LYPLA1: variants seen among roughly 807,000 people sequenced by gnomAD.
LYPLA1 encodes acyl-protein thioesterase 1.
Under a neutral mutation model 34.0 loss-of-function variants are expected in LYPLA1, and 17 were observed. The observed-to-expected ratio is 0.50, with a 90% CI of 0.34 to 0.75. LYPLA1 has a LOEUF of 0.75. Ranked by LOEUF, LYPLA1 falls within the 30% of genes least tolerant of loss-of-function variation. The probability of loss-of-function intolerance (pLI) is 0.01; values close to 1 mark genes in which losing one functional copy is unlikely to be tolerated. For missense variants in LYPLA1, 203 were observed against 288.8 expected (o/e 0.70, Z 2.15); for synonymous variants, 98 against 100.8 (o/e 0.97, Z 0.17).
rs142193978 is a variant in LYPLA1 at position 54,088,049 on chromosome 8, G to A, written c.101+12859C>T. Among the ~76,000 whole-genome samples the A allele has an allele frequency of 2.1e-3, 318 of 152,296 alleles. 1 individual carries two copies. The highest frequency in any genetic ancestry group is 7.2e-3 in the African/African-American group (301 of 41,568). ...AAGGTAGAGGAGAACAAAGGAAGGA[G>A]GAAGTTAACTTGTGGAATGCTGAGA... On this transcript the variant is annotated intron_variant, in intron 2 of 8. Coordinates refer to ENST00000316963, the MANE Select transcript of LYPLA1 (RefSeq NM_006330.4).
chr8:54,101,679 C>A (rs901338886), intron 1 of LYPLA1, 76 bp downstream of exon 1: 3 of 1,196,600 alleles, frequency 2.5e-6, no homozygotes, highest in Admixed American at 4.3e-5. Context: ...GCGCCCGCAA[C>A]GCCCACCCCG....
chr8:54,050,270 G>A (rs1805758820), intron 8 of LYPLA1, among the ~76,000 whole-genome samples: 1 of 152,058 alleles, frequency 6.6e-6, no homozygotes, highest in African/African-American at 2.4e-5. Flanking sequence ...TTTTTATGAT[G>A]GCATCAGAAC....
chr8:54,091,543 A>G (rs760184175), intron 2 of LYPLA1, among the ~76,000 whole-genome samples: 2 of 147,228 alleles, frequency 1.4e-5, no homozygotes, highest in Admixed American at 6.8e-5. Context: ...AAAGAAAAGA[A>G]AAGAAAAGAA....
At chr8:54,091,873 G>A (rs1045215347) in intron 2 of LYPLA1, among the ~76,000 whole-genome samples, 8 of 152,160 alleles carry the variant, frequency 5.3e-5, no homozygotes, top group Non-Finnish European at 7.4e-5. Flanking sequence ...AAGACAGTTT[G>A]AGCCCAGGAG....
chr8:54,100,978 T>TAAGCA (rs747266730), intron 1 of LYPLA1, 39 bp from the exon 2 acceptor site: 2 of 1,551,168 alleles, frequency 1.3e-6, no homozygotes, highest in South Asian at 2.2e-5. Context: ...AATGCCTAAA[T>TAAGCA]AAGCCCACAC....
intron 2 of LYPLA1, among the ~76,000 whole-genome samples, chr8:54,077,934 AT>A (rs1808028617): frequency 6.6e-6 from 1 of 152,068 alleles, no homozygotes; most frequent in Non-Finnish European, 1.5e-5. Flanking sequence ...GTAAGTAAAA[AT>A]TTATCCAGCT....
At position 54,047,862 on chromosome 8, in the gene LYPLA1, G is replaced by A. The variant is rs903711503; in HGVS notation, c.*203C>T. ...ATTCTAATATAGTAGATCCTGGGTCGTCTTATAAGAATACATGTATAGAAA... is the reference window on the plus strand; with the variant it reads ...ATTCTAATATAGTAGATCCTGGGTCATCTTATAAGAATACATGTATAGAAA... On this transcript the variant is annotated 3_prime_UTR_variant, in exon 9 of 9. Coordinates refer to ENST00000316963, the MANE Select transcript of LYPLA1 (RefSeq NM_006330.4). 21 of 418,800 alleles carry A rather than the reference G, an allele frequency of 5.0e-5. No individual in the cohort carries two copies. The highest frequency in any genetic ancestry group is 1.5e-4 in the South Asian group (2 of 13,222). 25.9% of individuals were successfully genotyped at this position (418,800 alleles called of 1,614,324 possible).
intron 5 of LYPLA1, among the ~76,000 whole-genome samples, chr8:54,056,619 C>A (rs1372828675): frequency 1.3e-5 from 2 of 151,850 alleles, no homozygotes; most frequent in Non-Finnish European, 2.9e-5. Context: ...ATAATCTGAT[C>A]AAAAAATGGG....
downstream of LYPLA1, among the ~76,000 whole-genome samples, chr8:54,044,445 T>C (rs1216699062): frequency 6.6e-6 from 1 of 152,122 alleles, no homozygotes; most frequent in Non-Finnish European, 1.5e-5. Context: ...ACCACATAAA[T>C]GGTATATACC....
chr8:54,045,161 A>T (rs569034670), downstream of LYPLA1, among the ~76,000 whole-genome samples: 1 of 152,236 alleles, frequency 6.6e-6, no homozygotes, highest in South Asian at 2.1e-4. Context: ...TGATCAGAGG[A>T]CTATATGCTT....
chr8:54,098,954 C>G (rs181600780), intron 2 of LYPLA1, among the ~76,000 whole-genome samples: 198 of 152,288 alleles, frequency 1.3e-3, no homozygotes, highest in African/African-American at 4.5e-3. Context: ...AATTTCAGAA[C>G]TGGAGACCTT....
In LYPLA1 at chr8:54,063,591, G is replaced by A. The variant is rs545687582; in HGVS notation, c.168-216C>T. On this transcript the variant is annotated intron_variant, in intron 3 of 8. Transcript: ENST00000316963. ...AGACAGAGCAACAGCAACAAAGGAC[G>A]AAGCTTGACAGATACATTTTCCCTT... Among the ~76,000 whole-genome samples, 43 of 152,302 alleles carry A rather than the reference G, an allele frequency of 2.8e-4. 1 individual carries two copies. Among genetic ancestry groups the A allele is most frequent in the African/African-American group, 8.9e-4 (37 of 41,574 alleles).
At chr8:54,072,934 C>CAAAA (rs59257354) in intron 2 of LYPLA1, among the ~76,000 whole-genome samples, 1 of 91,714 alleles carries the variant, frequency 1.1e-5, no homozygotes, top group East Asian at 2.5e-4. Flanking sequence ...AAGACTGAAT[C>CAAAA]AAAAAAAAAA....
At chr8:54,087,273 T>C (rs1413044750) in intron 2 of LYPLA1, among the ~76,000 whole-genome samples, 2 of 152,224 alleles carry the variant, frequency 1.3e-5, no homozygotes, top group Non-Finnish European at 2.9e-5. Context: ...AAGTCAACAA[T>C]TCCATTCGTC....
Position 54,055,045 on chromosome 8 carries a change from C to T in LYPLA1, c.360+15G>A. On this transcript the variant is annotated intron_variant, in intron 6 of 8. Coordinates refer to ENST00000316963, the MANE Select transcript of LYPLA1 (RefSeq NM_006330.4). ...ATACTGATGGTACTGACATTCCACT[C>T]AAATTTTATCTTACCTGAGAAAACC... 1 of 1,527,494 alleles carries T rather than the reference C, an allele frequency of 6.5e-7. No homozygotes were observed. The highest frequency in any genetic ancestry group is 9.1e-7 in the Non-Finnish European group (1 of 1,102,620). The allele number at this position is 1,527,494 out of a possible 1,614,324, so 94.6% of individuals were successfully genotyped here.
At chr8:54,053,055 T>A (rs577154833) in intron 6 of LYPLA1, 5 of 295,486 alleles carry the variant, frequency 1.7e-5, no homozygotes, top group African/African-American at 1.1e-4. Context: ...CTTTGCAGAA[T>A]TTTAGGCATA....
rs202088560 is a variant in LYPLA1, at chr8:54,073,763, T to TC, written c.102-7951dup. On this transcript the variant is annotated intron_variant, in intron 2 of 8. Coordinates refer to ENST00000316963, the MANE Select transcript of LYPLA1 (RefSeq NM_006330.4). ...TACTTCCTACCTCTTTGCCCTGCCC[T>TC]CCCCCAAAAAACTACTTCTTTTTTC... Among the ~76,000 whole-genome samples the TC allele has an allele frequency of 4.5e-3, 687 of 152,242 alleles. 3 individuals carry two copies. The highest frequency in any genetic ancestry group is 0.01 in the Middle Eastern group (3 of 294).
chr8:54,082,978 G>T (rs1198328495), intron 2 of LYPLA1, among the ~76,000 whole-genome samples: 2 of 152,044 alleles, frequency 1.3e-5, no homozygotes, highest in South Asian at 2.1e-4. Flanking sequence ...CGCCCGCCTC[G>T]GCTTCCCAAA....
chr8:54,082,916 C>T (rs907136211), intron 2 of LYPLA1, among the ~76,000 whole-genome samples: 12 of 152,052 alleles, frequency 7.9e-5, no homozygotes, highest in Non-Finnish European at 1.5e-4. Context: ...TTAGTAGAGA[C>T]GGGGTTTCCC....
Sources: allele counts gnomAD v4.1 joint callset (sites outside exome capture counted in the v4.1 genomes callset), GRCh38; gene constraint gnomAD v4.1.1; transcripts MANE v1.5; gene names NCBI Gene and HGNC (gene_info 2026-07-23, HGNC 2026-07-21).